The following OR7D4 variants were observed in gnomAD, a reference collection of about 807,000 sequenced individuals.
OR7D4 encodes olfactory receptor 7D4.
For synonymous variants in OR7D4, 154 were observed against 158.4 expected (o/e 0.97, Z 0.21); for missense variants, 319 against 377.1 (o/e 0.85, Z 1.27).
chr19:9,217,575 G>A (rs192086644), intron 1 of OR7D4, among the ~76,000 whole-genome samples: 74 of 152,274 alleles, frequency 4.9e-4, no homozygotes, highest in African/African-American at 1.7e-3. Flanking sequence ...ATCTCGATCT[G>A]TTGCCCAGGC....
intron 1 of OR7D4, among the ~76,000 whole-genome samples, chr19:9,216,647 AGT>A (rs1312736298): frequency 1.3e-5 from 2 of 151,848 alleles, no homozygotes; most frequent in Non-Finnish European, 2.9e-5. Flanking sequence ...GCTGGAGTGC[AGT>A]GGTGCAATGT....
chr19:9,212,111 C>T lies in OR7D4; in HGVS notation c.*1788G>A, dbSNP rs192567021. 8.5e-5 allele frequency: 13 copies of T among 152,140 alleles called. No individual in the cohort carries two copies. Among genetic ancestry groups the T allele is most frequent in the African/African-American group, 2.2e-4 (9 of 41,488 alleles). 9.4% of individuals were successfully genotyped at this position (152,140 alleles called of 1,614,324 possible). A position where few individuals can be genotyped will look rare whatever the true frequency, so the allele number is the denominator to read the frequency against. On this transcript the variant is annotated 3_prime_UTR_variant, in exon 2 of 2. Coordinates refer to ENST00000641669, the MANE Select transcript of OR7D4 (RefSeq NM_001005191.3). The stretch of plus-strand genomic sequence containing the variant: ...GTATATATTTATGGGGTAGATGAAA[C>T]GTTTTGATACAGGAATGCAATGTGA...
Position 9,214,647 on chromosome 19 carries a change from G to C in OR7D4, c.191C>G (p.Ser64Cys). 1 of 1,614,170 alleles carries C rather than the reference G, an allele frequency of 6.2e-7. No homozygotes were observed. Among genetic ancestry groups the C allele is most frequent in the Non-Finnish European group, 8.5e-7 (1 of 1,180,024 alleles). ...HLHTPMYFFL[S>C]NLSFVDICFI... Reference sequence around the variant, plus strand: ...ACAGATGTCAACAAAGGACAGGTTGGAGAGGAAGAAGTACATGGGGGTGTG... The same window carrying C: ...ACAGATGTCAACAAAGGACAGGTTGCAGAGGAAGAAGTACATGGGGGTGTG... The change falls in exon 2 of 2, where the codon TCC becomes TGC. Residue 64 changes from serine (S) to cysteine (C), a missense_variant. Transcript: ENST00000641669.
rs1270467832 is a variant in OR7D4 at position 9,213,151 on chromosome 19, C to T, written c.*748G>A. 6.6e-6 allele frequency: 1 copy of T among 152,186 alleles called. No homozygotes were observed. The highest frequency in any genetic ancestry group is 1.5e-5 in the Non-Finnish European group (1 of 68,044). 9.4% of individuals were successfully genotyped at this position (152,186 alleles called of 1,614,324 possible). ...TTTTATACGACTAATCTATGGTTTT[C>T]ATTTTATTTCCTATCCAGAGGACAA... On this transcript the variant is annotated 3_prime_UTR_variant, in exon 2 of 2. Transcript: ENST00000641669.
rs1328918060 is a variant in OR7D4 at position 9,214,457 on chromosome 19, G to A, written c.381C>T (p.Cys127=). Residue 127 remains cysteine (C), a synonymous_variant, in exon 2 of 2, where the codon TGC becomes TGT. Transcript: ENST00000641669. The part of the protein sequence containing the change: ...VMAYDRFVAI[C]HPLHYTVIMN... ...TGATGACCGTGTAGTGCAGTGGGTGGCAGATGGCCACAAACCGGTCATAGG... is the reference window on the plus strand; with the variant it reads ...TGATGACCGTGTAGTGCAGTGGGTGACAGATGGCCACAAACCGGTCATAGG... The A allele has an allele frequency of 6.2e-7, 1 of 1,614,136 alleles. No individual in the cohort carries two copies. The highest frequency in any genetic ancestry group is 8.5e-7 in the Non-Finnish European group (1 of 1,179,998).
Position 9,213,994 on chromosome 19 carries a change from T to C in OR7D4, c.844A>G (p.Thr282Ala). ...TAGATGAAGGGGTTCAGCATGGGGG[T>C]GACCATGGCGTACATCACTGAGGCG... ...STASVMYAMVTPMLNPFIYSL... is the reference protein window; with the variant it reads ...STASVMYAMVAPMLNPFIYSL... The change falls in exon 2 of 2, where the codon ACC (threonine) becomes GCC (alanine). Residue 282 changes from threonine (T) to alanine (A), a missense_variant. Coordinates refer to ENST00000641669, the MANE Select transcript of OR7D4 (RefSeq NM_001005191.3). 1 of 1,613,906 alleles carries C rather than the reference T, an allele frequency of 6.2e-7. No individual in the cohort carries two copies. Among genetic ancestry groups the C allele is most frequent in the Non-Finnish European group, 8.5e-7 (1 of 1,179,984 alleles).
In OR7D4 at chr19:9,213,865, C is replaced by T. The variant is rs1175037367; in HGVS notation, c.*34G>A. The T allele has an allele frequency of 6.8e-7, 1 of 1,463,716 alleles. No homozygotes were observed. Among genetic ancestry groups the T allele is most frequent in the Admixed American group, 1.7e-5 (1 of 57,480 alleles). 90.7% of individuals were successfully genotyped at this position (1,463,716 alleles called of 1,614,324 possible). A position where few individuals can be genotyped will look rare whatever the true frequency, so the allele number is the denominator to read the frequency against. The stretch of plus-strand genomic sequence containing the variant: ...CCACAACATTTGCCTTAGGGGTACG[C>T]AGTGTGTCCTCTTAGTTCTGAGGCC... On this transcript the variant is annotated 3_prime_UTR_variant, in exon 2 of 2. Coordinates refer to ENST00000641669, the MANE Select transcript of OR7D4 (RefSeq NM_001005191.3).
chr19:9,217,477 T>C (rs2051223289), intron 1 of OR7D4, among the ~76,000 whole-genome samples: 1 of 152,184 alleles, frequency 6.6e-6, no homozygotes, highest in African/African-American at 2.4e-5. Context: ...GGAAAGTGGA[T>C]AGAAGAGGCT....
rs1331400874 is a variant in OR7D4, at chr19:9,211,243, T to G, written c.*2656A>C. ...AGAACCTAAACCCTACAAACAGCCA[T>G]GTGAGTGAGCTTCACAGCAGATCCT... On this transcript the variant is annotated 3_prime_UTR_variant, in exon 2 of 2. Transcript: ENST00000641669. 6.6e-6 allele frequency: 1 copy of G among 152,260 alleles called. No homozygotes were observed. Among genetic ancestry groups the G allele is most frequent in the Non-Finnish European group, 1.5e-5 (1 of 68,078 alleles). 9.4% of individuals were successfully genotyped at this position (152,260 alleles called of 1,614,324 possible).
rs2051188261 is a variant in OR7D4 at position 9,213,857 on chromosome 19, G to C, written c.*42C>G. The C allele has an allele frequency of 7.3e-7, 1 of 1,376,612 alleles. No homozygotes were observed. The allele number at this position is 1,376,612 out of a possible 1,614,324, so 85.3% of individuals were successfully genotyped here. A position where few individuals can be genotyped will look rare whatever the true frequency, so the allele number is the denominator to read the frequency against. On this transcript the variant is annotated 3_prime_UTR_variant, in exon 2 of 2. Coordinates refer to ENST00000641669, the MANE Select transcript of OR7D4 (RefSeq NM_001005191.3). ...ATTTAAACCCACAACATTTGCCTTA[G>C]GGGTACGCAGTGTGTCCTCTTAGTT... is the stretch of plus-strand genomic sequence containing the variant.
chr19:9,218,586 G>A (rs529356569), intron 1 of OR7D4, among the ~76,000 whole-genome samples: 93 of 152,248 alleles, frequency 6.1e-4, no homozygotes, highest in Non-Finnish European at 1.2e-3. Context: ...ACCAAAGGCC[G>A]TCTACTACAA....
In OR7D4 at chr19:9,213,200, A is replaced by G. The variant is rs948284783; in HGVS notation, c.*699T>C. 6.6e-6 allele frequency: 1 copy of G among 152,254 alleles called. No individual in the cohort carries two copies. The highest frequency in any genetic ancestry group is 2.4e-5 in the African/African-American group (1 of 41,446). 9.4% of individuals were successfully genotyped at this position (152,254 alleles called of 1,614,324 possible). A position where few individuals can be genotyped will look rare whatever the true frequency, so the allele number is the denominator to read the frequency against. On this transcript the variant is annotated 3_prime_UTR_variant, in exon 2 of 2. Coordinates refer to ENST00000641669, the MANE Select transcript of OR7D4 (RefSeq NM_001005191.3). ...AAGAAAAAACTATACTAAGGTGAGG[A>G]ACATCAACATTCAACAGGATAATTT...
rs945329866 is a variant in OR7D4 at position 9,210,401 on chromosome 19, G to A, written c.*3498C>T. On this transcript the variant is annotated 3_prime_UTR_variant, in exon 2 of 2. Transcript: ENST00000641669. ...GCAGGAGGGTCACTTGAGACCAGAA[G>A]TTCAAGACCAGCCTGGGCAACATAG... 4.6e-5 allele frequency: 7 copies of A among 152,196 alleles called. No individual in the cohort carries two copies. The highest frequency in any genetic ancestry group is 1.7e-4 in the African/African-American group (7 of 41,368). 9.4% of individuals were successfully genotyped at this position (152,196 alleles called of 1,614,324 possible). A position where few individuals can be genotyped will look rare whatever the true frequency, so the allele number is the denominator to read the frequency against.
chr19:9,214,840 A>G lies in OR7D4; in HGVS notation c.-3T>C. On this transcript the variant is annotated 5_prime_UTR_variant, in exon 2 of 2. Coordinates refer to ENST00000641669, the MANE Select transcript of OR7D4 (RefSeq NM_001005191.3). ...TCTGTAAGGTTTTCTGCTTCCATGT[A>G]GCTGTTGTGTCTGCTGGGGAAGGAG... is the stretch of plus-strand genomic sequence containing the variant. The G allele has an allele frequency of 6.3e-7, 1 of 1,581,656 alleles. No individual in the cohort carries two copies. The highest frequency in any genetic ancestry group is 1.2e-5 in the South Asian group (1 of 86,406).
In OR7D4 at chr19:9,214,358, A is replaced by T; in HGVS notation, c.480T>A (p.Ile160=). The stretch of plus-strand genomic sequence containing the variant: ...AGAAGGTCAACCTCTTCATCAGTAG[A>T]ATATGAACCAGGGAGAACCAGAAAA... ...FIIFWFSLVH[I]LLMKRLTFST... is the part of the protein sequence containing the mutation. The change falls in exon 2 of 2, where the codon ATT becomes ATA. Residue 160 remains isoleucine (I), a synonymous_variant. Coordinates refer to ENST00000641669, the MANE Select transcript of OR7D4 (RefSeq NM_001005191.3). 1.2e-6 allele frequency: 2 copies of T among 1,614,152 alleles called. No individual in the cohort carries two copies. Among genetic ancestry groups the T allele is most frequent in the East Asian group, 2.2e-5 (1 of 44,884 alleles).
chr19:9,218,826 G>T (rs996001702), intron 1 of OR7D4, among the ~76,000 whole-genome samples: 1 of 151,996 alleles, frequency 6.6e-6, no homozygotes, highest in African/African-American at 2.4e-5. Flanking sequence ...TAGAGACAGG[G>T]TTTTGCCATG....
chr19:9,217,989 G>T (rs2146014581), intron 1 of OR7D4, among the ~76,000 whole-genome samples: 1 of 152,266 alleles, frequency 6.6e-6, no homozygotes, highest in East Asian at 1.9e-4. Flanking sequence ...ATGAAAGCGG[G>T]ATATGTATTT....
At chr19:9,218,244 G>A (rs890120814) in intron 1 of OR7D4, among the ~76,000 whole-genome samples, 1 of 149,820 alleles carries the variant, frequency 6.7e-6, no homozygotes, top group Non-Finnish European at 1.5e-5. Context: ...TTTGAATATA[G>A]ACATAAATTT....
Position 9,214,598 on chromosome 19 carries a change from C to T in OR7D4, c.240G>A (p.Lys80=). ...TCCGTGCCTGGATGCTCACTAGCATCTTGGGGACTGTGGTGGAGATGAAAC... is the reference window on the plus strand; with the variant it reads ...TCCGTGCCTGGATGCTCACTAGCATTTTGGGGACTGTGGTGGAGATGAAAC... ...DICFISTTVP[K]MLVSIQARSK... is the part of the protein sequence containing the mutation. The change falls in exon 2 of 2, where the codon AAG becomes AAA. Residue 80 remains lysine, a synonymous_variant. Transcript: ENST00000641669. 1 of 1,614,138 alleles carries T rather than the reference C, an allele frequency of 6.2e-7. No individual in the cohort carries two copies. The highest frequency in any genetic ancestry group is 1.1e-5 in the South Asian group (1 of 91,076).
Sources: gnomAD v4.1 joint callset for allele counts (sites outside exome capture counted in the v4.1 genomes callset) on GRCh38, gnomAD v4.1.1 for gene constraint, MANE v1.5 for transcripts, NCBI Gene and HGNC (gene_info 2026-07-23, HGNC 2026-07-21) for gene names.